Variants in TEX11 observed in about 807,000 individuals in gnomAD.
TEX11 encodes testis-expressed protein 11.
Under a neutral mutation model 84.4 loss-of-function variants are expected in TEX11, and 7 were observed. The ratio of observed to expected loss-of-function variants is 0.08; its 90% CI spans 0.05 to 0.16. TEX11 has a LOEUF of 0.16. Among genes scored for constraint, TEX11 ranks in the 10% least tolerant of loss-of-function variants. The pLI is 1.00. For missense variants in TEX11, 551 were observed against 660.5 expected (o/e 0.83, Z 1.82); for synonymous variants, 264 against 222.8 (o/e 1.18, Z -1.64).
At chrX:70,723,731 A>T (rs2090578352) in intron 12 of TEX11, among the ~76,000 whole-genome samples, 1 of 111,802 alleles carries the variant, frequency 8.9e-6, no homozygotes, top group African/African-American at 3.2e-5. Flanking sequence ...GTCTTAAATT[A>T]TTATGTGCTA....
At chrX:70,858,105 G>A (rs5937005) in intron 5 of TEX11, among the ~76,000 whole-genome samples, 41,552 of 107,377 alleles carry the variant, frequency 0.39, 6,877 homozygotes, top group East Asian at 0.56. Flanking sequence ...ACGATGCCTT[G>A]TATACTGCTT....
At chrX:70,861,039 T>C (rs2091565667) in intron 4 of TEX11, 103 bp from the exon 5 acceptor site, 1 of 509,426 alleles carries the variant, frequency 2.0e-6, no homozygotes, top group African/African-American at 2.6e-5. Context: ...TTGTTGTTAT[T>C]AAAAATAAAA....
At chrX:70,650,134 T>C (rs913499902) in intron 17 of TEX11, among the ~76,000 whole-genome samples, 5 of 111,644 alleles carry the variant, frequency 4.5e-5, no homozygotes, top group Admixed American at 3.8e-4. Context: ...TTTCCAGGGC[T>C]GAAAGTGGTG....
intron 4 of TEX11, among the ~76,000 whole-genome samples, chrX:70,868,578 G>A (rs941938624): frequency 3.6e-5 from 4 of 111,474 alleles, no homozygotes; most frequent in African/African-American, 1.3e-4. Context: ...ACAGGCACAC[G>A]CATGTTTATT....
chrX:70,854,408 T>TA (rs1186282027), intron 5 of TEX11, among the ~76,000 whole-genome samples: 93 of 106,801 alleles, frequency 8.7e-4, no homozygotes, highest in Admixed American at 6.0e-3. Flanking sequence ...AATTTGATTT[T>TA]AAAAAAAAAA....
At chrX:70,768,330 G>A (rs1377516420) in intron 9 of TEX11, among the ~76,000 whole-genome samples, 1 of 110,564 alleles carries the variant, frequency 9.0e-6, no homozygotes. Context: ...ATAATAGATG[G>A]AACAACTAGA....
intron 7 of TEX11, among the ~76,000 whole-genome samples, chrX:70,841,596 C>T (rs2091444440): frequency 9.1e-6 from 1 of 110,400 alleles, no homozygotes; most frequent in African/African-American, 3.3e-5. Context: ...CAAACACATT[C>T]AAAAGCTAGC....
intron 8 of TEX11, among the ~76,000 whole-genome samples, chrX:70,829,951 A>G (rs1330186715): frequency 9.0e-6 from 1 of 111,554 alleles, no homozygotes; most frequent in Non-Finnish European, 1.9e-5. Flanking sequence ...AGAATAAAAA[A>G]TAGAAAACCA....
At chrX:70,623,705 G>A (rs1334277264) in intron 20 of TEX11, among the ~76,000 whole-genome samples, 1 of 111,474 alleles carries the variant, frequency 9.0e-6, no homozygotes, top group Non-Finnish European at 1.9e-5. Flanking sequence ...CAACCCAATG[G>A]TGTAGGTATT....
At chrX:70,699,934 CA>C (rs376293610) in intron 13 of TEX11, among the ~76,000 whole-genome samples, 38 of 105,364 alleles carry the variant, frequency 3.6e-4, no homozygotes, top group South Asian at 1.2e-3. Flanking sequence ...CAGGAAATTG[CA>C]AAAAAAAAAT....
intron 8 of TEX11, among the ~76,000 whole-genome samples, chrX:70,809,868 T>C (rs1407636362): frequency 2.7e-5 from 3 of 111,685 alleles, no homozygotes; most frequent in Non-Finnish European, 5.6e-5. Context: ...GGCTAATTTT[T>C]CATAGGTACT....
chrX:70,651,432 G>T lies in TEX11; in HGVS notation c.1483+18C>A. 9.2e-7 allele frequency: 1 copy of T among 1,092,531 alleles called. No individual in the cohort carries two copies. Among genetic ancestry groups the T allele is most frequent in the South Asian group, 2.0e-5 (1 of 50,802 alleles). The allele number at this position is 1,092,531 out of a possible 1,213,427, so 90.0% of individuals were successfully genotyped here. A position where few individuals can be genotyped will look rare whatever the true frequency, so the allele number is the denominator to read the frequency against. On this transcript the variant is annotated intron_variant, in intron 17 of 29. Transcript: ENST00000374333. ...TTTGTGTTAATAGTCAAATATAAGT[G>T]ACAAATAAAATTTATACCTCTTTCA...
At chrX:70,562,714 T>C (rs1384518154) in intron 25 of TEX11, among the ~76,000 whole-genome samples, 3 of 112,151 alleles carry the variant, frequency 2.7e-5, no homozygotes, top group Admixed American at 9.4e-5. Flanking sequence ...TTGTGGCATA[T>C]AGTTCTATTG....
intron 8 of TEX11, among the ~76,000 whole-genome samples, chrX:70,817,126 T>C (rs1387359719): frequency 2.8e-5 from 1 of 35,153 alleles, no homozygotes. Flanking sequence ...TGATAGAAGA[T>C]AGATAGATAA....
intron 25 of TEX11, among the ~76,000 whole-genome samples, chrX:70,583,101 T>A (rs1033325433): frequency 5.4e-5 from 6 of 111,459 alleles, no homozygotes; most frequent in Non-Finnish European, 1.1e-4. Flanking sequence ...TATTTATTTA[T>A]TTTTATTTTT....
chrX:70,841,576 A>G (rs1288854076), intron 7 of TEX11, among the ~76,000 whole-genome samples: 2 of 110,661 alleles, frequency 1.8e-5, no homozygotes, highest in African/African-American at 3.3e-5. Context: ...AAGAACTAGA[A>G]AAGCAAGAGC....
chrX:70,740,770 C>T lies in TEX11; in HGVS notation c.774G>A (p.Thr258=), dbSNP rs757473146. 7.6e-6 allele frequency: 9 copies of T among 1,186,696 alleles called. No homozygotes were observed. The highest frequency in any genetic ancestry group is 9.1e-6 in the Non-Finnish European group (8 of 881,032). ...TGGTGTCATCCCAATCCAAATAATT[C>T]GTGGCTAATAGCCGTAGAACTTTAG... ...MLAKVLRLLA[T]NYLDWDDTKY... Residue 258 remains threonine (T), a synonymous_variant, in exon 11 of 30, where the codon ACG becomes ACA. Coordinates refer to ENST00000374333, the MANE Select transcript of TEX11 (RefSeq NM_031276.3).
chrX:70,675,030 A>G (rs769121496), intron 15 of TEX11, among the ~76,000 whole-genome samples: 1 of 111,514 alleles, frequency 9.0e-6, no homozygotes, highest in Non-Finnish European at 1.9e-5. Flanking sequence ...TCTATCTTCA[A>G]GTGATGTTAT....
At chrX:70,732,105 C>G (rs138285033) in intron 11 of TEX11, among the ~76,000 whole-genome samples, 1 of 111,173 alleles carries the variant, frequency 9.0e-6, no homozygotes, top group Middle Eastern at 4.6e-3. Context: ...ATTCAACAAC[C>G]CTTCATGCTA....
Sources: gnomAD v4.1 joint callset for allele counts (sites outside exome capture counted in the v4.1 genomes callset) on GRCh38, gnomAD v4.1.1 for gene constraint, MANE v1.5 for transcripts, NCBI Gene and HGNC (gene_info 2026-07-23, HGNC 2026-07-21) for gene names.